Variants in FSTL4 observed in about 807,000 individuals in gnomAD.
FSTL4 encodes the protein follistatin like 4.
In FSTL4, 28 loss-of-function variants were observed where a neutral mutation model predicts 78.2. That is an observed-to-expected ratio of 0.36 (90% CI 0.27 to 0.49). FSTL4 has a LOEUF of 0.49. Ranked by LOEUF, FSTL4 falls within the 20% of genes least tolerant of loss-of-function variation. The pLI is 0.98. For synonymous variants in FSTL4, 422 were observed against 440.5 expected (o/e 0.96, Z 0.53); for missense variants, 922 against 1,084.9 (o/e 0.85, Z 2.11).
At position 133,200,809 on chromosome 5, in the gene FSTL4, G is replaced by A. The variant is rs1750296895; in HGVS notation, c.1827-1012C>T. 2.0e-5 allele frequency among the ~76,000 whole-genome samples: 3 copies of A among 152,122 alleles called. 1 individual carries two copies. The highest frequency in any genetic ancestry group is 2.0e-4 in the Admixed American group (3 of 15,266). On this transcript the variant is annotated intron_variant, in intron 15 of 15. Transcript: ENST00000265342. Reference sequence around the variant, plus strand: ...TAGAAAAACTGTACCCCAGAGTAGAGGAAAATACTCCCTCCAAGGCACATC... The same window carrying A: ...TAGAAAAACTGTACCCCAGAGTAGAAGAAAATACTCCCTCCAAGGCACATC...
intron 2 of FSTL4, among the ~76,000 whole-genome samples, chr5:133,573,473 T>TA (rs1760204812): frequency 6.6e-6 from 1 of 152,042 alleles, no homozygotes. Flanking sequence ...TTATCAGTGA[T>TA]AAAAAGGGAT....
chr5:133,256,535 G>A (rs1196605147), intron 6 of FSTL4: 3 of 152,298 alleles, frequency 2.0e-5, no homozygotes, highest in African/African-American at 7.2e-5. Flanking sequence ...CGGGCAAGGC[G>A]GGTGGGAGGG....
the FSTL4 span, among the ~76,000 whole-genome samples, chr5:133,731,546 A>T: frequency 1.3e-5 from 2 of 152,168 alleles, no homozygotes; most frequent in Non-Finnish European, 2.9e-5. Context: ...CTTCTTAGAG[A>T]GATGATAGGC....
At chr5:133,416,374 A>G (rs166112) in intron 3 of FSTL4, among the ~76,000 whole-genome samples, 97,136 of 152,052 alleles carry the variant, frequency 0.64, 31,558 homozygotes, top group Non-Finnish European at 0.7. Flanking sequence ...ACTTGTAAAT[A>G]TAGAAGAAAT....
At chr5:133,562,866 C>T (rs894933053) in intron 3 of FSTL4, among the ~76,000 whole-genome samples, 3 of 152,174 alleles carry the variant, frequency 2.0e-5, no homozygotes, top group African/African-American at 7.2e-5. Context: ...ATGATGGGAA[C>T]AGTCAGAGAA....
chr5:133,400,232 G>A (rs1466779246), intron 4 of FSTL4, among the ~76,000 whole-genome samples: 1 of 152,188 alleles, frequency 6.6e-6, no homozygotes, highest in Admixed American at 6.5e-5. Flanking sequence ...CTTGCTCAGA[G>A]GTGTTCTGGA....
intron 3 of FSTL4, among the ~76,000 whole-genome samples, chr5:133,458,571 C>T (rs377305702): frequency 1.1e-4 from 17 of 152,360 alleles, no homozygotes; most frequent in African/African-American, 1.9e-4. Flanking sequence ...CAGAGAGGTG[C>T]CCTGGGGTTG....
chr5:133,563,940 A>G (rs1271584945), intron 3 of FSTL4, among the ~76,000 whole-genome samples: 6 of 152,210 alleles, frequency 3.9e-5, no homozygotes, highest in Admixed American at 3.9e-4. Context: ...CCACCATAAT[A>G]AACCACAAAC....
At chr5:133,259,686 GA>G (rs1459243287) in intron 6 of FSTL4, among the ~76,000 whole-genome samples, 8 of 151,968 alleles carry the variant, frequency 5.3e-5, no homozygotes. Flanking sequence ...ACTGGTGGGA[GA>G]GAGGGAAAAA....
rs370896756 is a variant in FSTL4 at position 133,214,464 on chromosome 5, A to G, written c.1608+2765T>C. On this transcript the variant is annotated intron_variant, in intron 13 of 15. Coordinates refer to ENST00000265342, the MANE Select transcript of FSTL4 (RefSeq NM_015082.2). ...TACTGGGGAAACTGAGCATTGTTGAAGAGATCCAACTCTGGTCTCACTTTA... is the reference window on the plus strand; with the variant it reads ...TACTGGGGAAACTGAGCATTGTTGAGGAGATCCAACTCTGGTCTCACTTTA... 4.6e-5 allele frequency among the ~76,000 whole-genome samples: 7 copies of G among 152,322 alleles called. No individual in the cohort carries two copies. The East Asian group carries it at 1.3e-3, about 29-fold the overall frequency.
the FSTL4 span, among the ~76,000 whole-genome samples, chr5:133,627,151 C>CTT: frequency 0.025 from 2,294 of 92,808 alleles, no homozygotes; most frequent in Non-Finnish European, 0.031. Flanking sequence ...CTCTGTGTCT[C>CTT]TTTTTTTTTT....
At chr5:133,804,200 C>T in the FSTL4 span, among the ~76,000 whole-genome samples, 29 of 152,326 alleles carry the variant, frequency 1.9e-4, no homozygotes, top group Admixed American at 8.5e-4. Flanking sequence ...GGACCTTGGC[C>T]TTATCCTGGA....
chr5:133,715,939 C>A, the FSTL4 span, among the ~76,000 whole-genome samples: 1 of 152,170 alleles, frequency 6.6e-6, no homozygotes, highest in Non-Finnish European at 1.5e-5. Flanking sequence ...TATTGAGTAT[C>A]CTCATTGTGC....
At chr5:133,484,432 G>C (rs1446977441) in intron 3 of FSTL4, among the ~76,000 whole-genome samples, 1 of 152,186 alleles carries the variant, frequency 6.6e-6, no homozygotes, top group Non-Finnish European at 1.5e-5. Flanking sequence ...AGTAGCCCAG[G>C]AGGAAGGAAG....
chr5:133,812,456 G>A, the FSTL4 span, among the ~76,000 whole-genome samples: 6 of 152,196 alleles, frequency 3.9e-5, no homozygotes, highest in Non-Finnish European at 2.9e-5. Context: ...CTTCCTTCTG[G>A]TTCTCAAACA....
At chr5:133,829,227 T>G in the FSTL4 span, among the ~76,000 whole-genome samples, 101 of 152,190 alleles carry the variant, frequency 6.6e-4, no homozygotes, top group African/African-American at 2.4e-3. Context: ...CTGTTTCTAC[T>G]AAAAATACAA....
At chr5:133,252,895 T>C (rs1191584307) in intron 6 of FSTL4, among the ~76,000 whole-genome samples, 3 of 152,202 alleles carry the variant, frequency 2.0e-5, no homozygotes, top group Non-Finnish European at 4.4e-5. Context: ...GCATCCTCCC[T>C]GAGTTATTCC....
At chr5:133,532,126 C>T (rs112240004) in intron 3 of FSTL4, among the ~76,000 whole-genome samples, 164 of 152,240 alleles carry the variant, frequency 1.1e-3, no homozygotes, top group African/African-American at 3.6e-3. Flanking sequence ...GGGTCACAGT[C>T]GGAGAAGGAG....
intron 4 of FSTL4, among the ~76,000 whole-genome samples, chr5:133,326,454 T>A (rs993802837): frequency 6.6e-6 from 1 of 152,178 alleles, no homozygotes; most frequent in African/African-American, 2.4e-5. Context: ...TCTAAGTGAG[T>A]GGGTCACTAT....
Sources: gnomAD v4.1 joint callset for allele counts (sites outside exome capture counted in the v4.1 genomes callset) on GRCh38, gnomAD v4.1.1 for gene constraint, MANE v1.5 for transcripts, NCBI Gene and HGNC (gene_info 2026-07-23, HGNC 2026-07-21) for gene names.